Variants in MAB21L1 observed in about 807,000 individuals in gnomAD.
The protein encoded by MAB21L1 is putative nucleotidyltransferase MAB21L1.
In MAB21L1, 8 loss-of-function variants were observed where a neutral mutation model predicts 28.9. That is an observed-to-expected ratio of 0.28 (90% CI 0.16 to 0.50). The LOEUF is 0.50. MAB21L1 is among the 20% of genes least tolerant of loss of function. The pLI is 0.98. For synonymous variants in MAB21L1, 219 were observed against 198.2 expected (o/e 1.10, Z -0.88); for missense variants, 388 against 466.5 (o/e 0.83, Z 1.55).
Position 35,474,976 on chromosome 13 carries a change from G to A in MAB21L1, c.*83C>T, listed in dbSNP as rs563481995. 1 of 1,401,722 alleles carries A rather than the reference G, an allele frequency of 7.1e-7. No homozygotes were observed. Among genetic ancestry groups the A allele is most frequent in the African/African-American group, 1.4e-5 (1 of 69,628 alleles). 86.8% of individuals were successfully genotyped at this position (1,401,722 alleles called of 1,614,324 possible). A position where few individuals can be genotyped will look rare whatever the true frequency, so the allele number is the denominator to read the frequency against. Reference sequence around the variant, plus strand: ...AAGAGATTGTTTGCACTGCGGAGTGGAATATTAGGAATTGAACAGAAGTTT... The same window carrying A: ...AAGAGATTGTTTGCACTGCGGAGTGAAATATTAGGAATTGAACAGAAGTTT... On this transcript the variant is annotated 3_prime_UTR_variant, in exon 1 of 1. Coordinates refer to ENST00000379919, the MANE Select transcript of MAB21L1 (RefSeq NM_005584.5).
In MAB21L1 at chr13:35,475,857, C is replaced by G; in HGVS notation, c.282G>C (p.Leu94=). 1 of 1,614,096 alleles carries G rather than the reference C, an allele frequency of 6.2e-7. No individual in the cohort carries two copies. Residue 94 remains leucine, a synonymous_variant, in exon 1 of 1, where the codon CTG becomes CTC. Transcript: ENST00000379919. ...GVFNFVDDGS[L]PGCAVLKLSD... is the part of the protein sequence containing the mutation. ...TCAACTTCAGCACCGCGCAGCCGGG[C>G]AGTGAGCCATCGTCCACGAAGTTGA... is the stretch of plus-strand genomic sequence containing the variant.
rs1300106506 is a variant in MAB21L1 at position 35,474,797 on chromosome 13, G to C, written c.*262C>G. On this transcript the variant is annotated 3_prime_UTR_variant, in exon 1 of 1. Coordinates refer to ENST00000379919, the MANE Select transcript of MAB21L1 (RefSeq NM_005584.5). ...TGGGCTGTTTACGGAGTGTTACGGT[G>C]TACTTTTCAAGGGAGATAGGAAATC... 1 of 437,298 alleles carries C rather than the reference G, an allele frequency of 2.3e-6. No homozygotes were observed. The highest frequency in any genetic ancestry group is 4.0e-5 in the Admixed American group (1 of 24,722). 27.1% of individuals were successfully genotyped at this position (437,298 alleles called of 1,614,324 possible).
Position 35,474,755 on chromosome 13 carries a change from C to A in MAB21L1, c.*304G>T. 1 of 290,602 alleles carries A rather than the reference C, an allele frequency of 3.4e-6. No homozygotes were observed. The highest frequency in any genetic ancestry group is 6.4e-6 in the Non-Finnish European group (1 of 155,982). 18.0% of individuals were successfully genotyped at this position (290,602 alleles called of 1,614,324 possible). A position where few individuals can be genotyped will look rare whatever the true frequency, so the allele number is the denominator to read the frequency against. On this transcript the variant is annotated 3_prime_UTR_variant, in exon 1 of 1. Transcript: ENST00000379919. ...TGATAGTTAGGCAGAGTGTTCGTCT[C>A]GGTCTGGCGTTACAGCTGGGCTGTT... is the stretch of plus-strand genomic sequence containing the variant.
In MAB21L1 at chr13:35,474,791, T is replaced by C; in HGVS notation, c.*268A>G. 1 of 416,816 alleles carries C rather than the reference T, an allele frequency of 2.4e-6. No homozygotes were observed. Among genetic ancestry groups the C allele is most frequent in the South Asian group, 3.5e-5 (1 of 28,890 alleles). The allele number at this position is 416,816 out of a possible 1,614,324, so 25.8% of individuals were successfully genotyped here. A position where few individuals can be genotyped will look rare whatever the true frequency, so the allele number is the denominator to read the frequency against. On this transcript the variant is annotated 3_prime_UTR_variant, in exon 1 of 1. Transcript: ENST00000379919. ...TACAGCTGGGCTGTTTACGGAGTGT[T>C]ACGGTGTACTTTTCAAGGGAGATAG...
In MAB21L1 at chr13:35,476,039, C is replaced by A; in HGVS notation, c.100G>T (p.Val34Phe). The A allele has an allele frequency of 9.9e-6, 16 of 1,614,202 alleles. No individual in the cohort carries two copies. The highest frequency in any genetic ancestry group is 2.2e-5 in the East Asian group (1 of 44,876). ...KAAIAKTIREVCKVVSDVLKE... is the reference protein window; with the variant it reads ...KAAIAKTIREFCKVVSDVLKE... ...AGTACGTCGGAAACTACTTTGCAGA[C>A]TTCCCGGATAGTTTTGGCAATGGCA... Residue 34 changes from valine to phenylalanine, a missense_variant, in exon 1 of 1, where the codon GTC (valine) becomes TTC (phenylalanine). By Grantham distance (50) the Val-to-Phe change is conservative (BLOSUM62 -1). This residue lies in a region of MAB21L1 where 89 missense variants were observed against 92.2 expected (regional missense o/e 0.97). Transcript: ENST00000379919.
In MAB21L1 at chr13:35,475,594, C is replaced by T. The variant is rs373870848; in HGVS notation, c.545G>A (p.Arg182Lys). ...GGGAAGTGGCCAGTGGGCAGCACTC[C>T]TCGGCCAGATCCCGGTGCATTTAAA... is the stretch of plus-strand genomic sequence containing the variant. ...PAFKCTGIWP[R>K]SAAHWPLPHI... The change falls in exon 1 of 1, where the codon AGG (arginine) becomes AAG (lysine). Residue 182 changes from arginine to lysine, a missense_variant. Transcript: ENST00000379919. 1.7e-5 allele frequency: 28 copies of T among 1,613,636 alleles called. No homozygotes were observed. The highest frequency in any genetic ancestry group is 2.7e-5 in the African/African-American group (2 of 74,808).
Position 35,474,908 on chromosome 13 carries a change from T to G in MAB21L1, c.*151A>C, listed in dbSNP as rs573671447. The G allele has an allele frequency of 7.2e-6, 7 of 967,274 alleles. No individual in the cohort carries two copies. In the East Asian group the frequency reaches 1.8e-4, roughly 25 times the overall value. 59.9% of individuals were successfully genotyped at this position (967,274 alleles called of 1,614,324 possible). A position where few individuals can be genotyped will look rare whatever the true frequency, so the allele number is the denominator to read the frequency against. ...CTTTTTCTCCCCTTGTGGGGGTGGG[T>G]GAGATGATGTTTAAATATTGTATTA... On this transcript the variant is annotated 3_prime_UTR_variant, in exon 1 of 1. Transcript: ENST00000379919.
Position 35,475,653 on chromosome 13 carries a change from G to T in MAB21L1, c.486C>A (p.Ile162=). The change falls in exon 1 of 1, where the codon ATC becomes ATA. Residue 162 remains isoleucine (I), a synonymous_variant. Transcript: ENST00000379919. ...VADTSEVKLR[I]RDRYVVQITP... Reference sequence around the variant, plus strand: ...TGATCTGCACCACGTACCTATCTCGGATTCTCAGTTTCACTTCGCTGGTGT... The same window carrying T: ...TGATCTGCACCACGTACCTATCTCGTATTCTCAGTTTCACTTCGCTGGTGT... The T allele has an allele frequency of 6.2e-7, 1 of 1,613,826 alleles. No homozygotes were observed. Among genetic ancestry groups the T allele is most frequent in the Non-Finnish European group, 8.5e-7 (1 of 1,179,992 alleles).
Position 35,475,805 on chromosome 13 carries a change from G to A in MAB21L1, c.334C>T (p.Leu112Phe), listed in dbSNP as rs2075837609. Reference protein sequence around the residue: ...LSDGRKRSMSLWVEFITASGY... With the variant: ...LSDGRKRSMSFWVEFITASGY... ...GAGGCGGTAATGAATTCCACCCAGAGGGACATGCTCCTCTTGCGCCCGTCG... is the reference window on the plus strand; with the variant it reads ...GAGGCGGTAATGAATTCCACCCAGAAGGACATGCTCCTCTTGCGCCCGTCG... The change falls in exon 1 of 1, where the codon CTC (leucine) becomes TTC (phenylalanine). Residue 112 changes from leucine (L) to phenylalanine (F), a missense_variant. Coordinates refer to ENST00000379919, the MANE Select transcript of MAB21L1 (RefSeq NM_005584.5). The A allele has an allele frequency of 6.2e-7, 1 of 1,613,886 alleles. No individual in the cohort carries two copies. The highest frequency in any genetic ancestry group is 1.3e-5 in the African/African-American group (1 of 74,892).
At position 35,476,296 on chromosome 13, in the gene MAB21L1, CCTGCTGCTG is replaced by C. The variant is rs56240021; in HGVS notation, c.-167_-159del. On this transcript the variant is annotated 5_prime_UTR_variant, in exon 1 of 1. Coordinates refer to ENST00000379919, the MANE Select transcript of MAB21L1 (RefSeq NM_005584.5). The stretch of plus-strand genomic sequence containing the variant: ...TCGGAAGTGCTGCAGCGTTGGTTTC[CCTGCTGCTG>C]CTGCTGCTGCTGCTGCTGCTGCTGC... The C allele has an allele frequency of 0.018, 17,494 of 957,492 alleles. 341 individuals carry two copies. Among genetic ancestry groups the C allele is most frequent in the South Asian group, 0.042 (3,005 of 71,992 alleles). The allele number at this position is 957,492 out of a possible 1,614,324, so 59.3% of individuals were successfully genotyped here.
At position 35,476,546 on chromosome 13, in the gene MAB21L1, C is replaced by T; in HGVS notation, c.-408G>A. ...AAGCTCTTCCAGTAGTCAAAATAAG[C>T]ACCCCTTTCCGTATTTATTTGCGCT... is the stretch of plus-strand genomic sequence containing the variant. On this transcript the variant is annotated 5_prime_UTR_variant, in exon 1 of 1. Transcript: ENST00000379919. 1 of 595,178 alleles carries T rather than the reference C, an allele frequency of 1.7e-6. No individual in the cohort carries two copies. Among genetic ancestry groups the T allele is most frequent in the Non-Finnish European group, 3.0e-6 (1 of 328,828 alleles). 36.9% of individuals were successfully genotyped at this position (595,178 alleles called of 1,614,324 possible).
rs1209014049 is a variant in MAB21L1, at chr13:35,473,796, C to T, written c.*1263G>A. Among the ~76,000 whole-genome samples the T allele has an allele frequency of 6.6e-6, 1 of 152,094 alleles. No individual in the cohort carries two copies. Among genetic ancestry groups the T allele is most frequent in the Admixed American group, 6.5e-5 (1 of 15,274 alleles). Reference sequence around the variant, plus strand: ...AAGGTTTGACATAAAATATATTGGTCAGAAAGGATCGTTTTATTAGTTTTC... The same window carrying T: ...AAGGTTTGACATAAAATATATTGGTTAGAAAGGATCGTTTTATTAGTTTTC... On this transcript the variant is annotated 3_prime_UTR_variant, in exon 1 of 1. Coordinates refer to ENST00000379919, the MANE Select transcript of MAB21L1 (RefSeq NM_005584.5).
At position 35,475,939 on chromosome 13, in the gene MAB21L1, T is replaced by G. The variant is rs755262229; in HGVS notation, c.200A>C (p.Glu67Ala). 1.4e-5 allele frequency: 23 copies of G among 1,614,046 alleles called. No individual in the cohort carries two copies. The highest frequency in any genetic ancestry group is 1.9e-5 in the Non-Finnish European group (22 of 1,180,052). ...TTCAAATTCGGTGGGGGAGATGACC[T>G]CGAGGCCCTCGTAGCGATTGTCCAT... is the stretch of plus-strand genomic sequence containing the variant. The part of the protein sequence containing the change: ...NEMDNRYEGL[E>A]VISPTEFEVV... Residue 67 changes from glutamate (E) to alanine (A), a missense_variant, in exon 1 of 1, where the codon GAG (glutamate) becomes GCG (alanine). Glu to Ala is a moderately radical substitution (Grantham distance 107). Around this residue, in one of 3 missense-constraint regions of MAB21L1, gnomAD observed 89 missense variants for 92.2 expected, o/e 0.97. Coordinates refer to ENST00000379919, the MANE Select transcript of MAB21L1 (RefSeq NM_005584.5).
In MAB21L1 at chr13:35,476,415, C is replaced by G. The variant is rs1292059007; in HGVS notation, c.-277G>C. The G allele has an allele frequency of 1.0e-6, 1 of 966,284 alleles. No individual in the cohort carries two copies. Among genetic ancestry groups the G allele is most frequent in the Admixed American group, 2.0e-5 (1 of 50,108 alleles). 59.9% of individuals were successfully genotyped at this position (966,284 alleles called of 1,614,324 possible). A position where few individuals can be genotyped will look rare whatever the true frequency, so the allele number is the denominator to read the frequency against. The stretch of plus-strand genomic sequence containing the variant: ...TTAAAGTGAAAGACTGTCCTCCCCC[C>G]TCTGCTTGTCTCTCTTCCTCTTTTA... On this transcript the variant is annotated 5_prime_UTR_variant, in exon 1 of 1. Transcript: ENST00000379919.
chr13:35,476,406 T>G lies in MAB21L1; in HGVS notation c.-268A>C. On this transcript the variant is annotated 5_prime_UTR_variant, in exon 1 of 1. Coordinates refer to ENST00000379919, the MANE Select transcript of MAB21L1 (RefSeq NM_005584.5). ...CAGCCGTTCTTAAAGTGAAAGACTG[T>G]CCTCCCCCCTCTGCTTGTCTCTCTT... 1 of 1,017,016 alleles carries G rather than the reference T, an allele frequency of 9.8e-7. No individual in the cohort carries two copies. The highest frequency in any genetic ancestry group is 1.4e-5 in the South Asian group (1 of 73,230). 63.0% of individuals were successfully genotyped at this position (1,017,016 alleles called of 1,614,324 possible).
At position 35,476,340 on chromosome 13, in the gene MAB21L1, T is replaced by A; in HGVS notation, c.-202A>T. The stretch of plus-strand genomic sequence containing the variant: ...CTGCTGCTGCTGCTGCTGCTGCTGC[T>A]GCTGCTGCTGCTGCTTTTCCCTTCC... On this transcript the variant is annotated 5_prime_UTR_variant, in exon 1 of 1. Transcript: ENST00000379919. The A allele has an allele frequency of 8.1e-7, 1 of 1,233,534 alleles. No homozygotes were observed. The highest frequency in any genetic ancestry group is 1.2e-6 in the Non-Finnish European group (1 of 864,516). The allele number at this position is 1,233,534 out of a possible 1,614,324, so 76.4% of individuals were successfully genotyped here. A position where few individuals can be genotyped will look rare whatever the true frequency, so the allele number is the denominator to read the frequency against.
At position 35,476,463 on chromosome 13, in the gene MAB21L1, C is replaced by T; in HGVS notation, c.-325G>A. 1.2e-6 allele frequency: 1 copy of T among 815,472 alleles called. No individual in the cohort carries two copies. Among genetic ancestry groups the T allele is most frequent in the South Asian group, 1.5e-5 (1 of 64,972 alleles). The allele number at this position is 815,472 out of a possible 1,614,324, so 50.5% of individuals were successfully genotyped here. A position where few individuals can be genotyped will look rare whatever the true frequency, so the allele number is the denominator to read the frequency against. The stretch of plus-strand genomic sequence containing the variant: ...TTAAAGAATCCTTGTGTGAGAGAAC[C>T]GCATGGAGAGATCACCTTCTCAGGA... On this transcript the variant is annotated 5_prime_UTR_variant, in exon 1 of 1. Transcript: ENST00000379919.
In MAB21L1 at chr13:35,475,575, T is replaced by A; in HGVS notation, c.564A>T (p.Pro188=). 1 of 1,613,354 alleles carries A rather than the reference T, an allele frequency of 6.2e-7. No homozygotes were observed. The highest frequency in any genetic ancestry group is 8.5e-7 in the Non-Finnish European group (1 of 1,179,880). Reference sequence around the variant, plus strand: ...GTCCCGGCCAGGGGATGTGGGGAAGTGGCCAGTGGGCAGCACTCCTCGGCC... The same window carrying A: ...GTCCCGGCCAGGGGATGTGGGGAAGAGGCCAGTGGGCAGCACTCCTCGGCC... The part of the protein sequence containing the change: ...GIWPRSAAHW[P]LPHIPWPGPN... The change falls in exon 1 of 1, where the codon CCA becomes CCT. Residue 188 remains proline (P), a synonymous_variant. Coordinates refer to ENST00000379919, the MANE Select transcript of MAB21L1 (RefSeq NM_005584.5).
At position 35,476,200 on chromosome 13, in the gene MAB21L1, G is replaced by A; in HGVS notation, c.-62C>T. The A allele has an allele frequency of 3.7e-6, 6 of 1,609,726 alleles. No individual in the cohort carries two copies. Among genetic ancestry groups the A allele is most frequent in the Non-Finnish European group, 5.1e-6 (6 of 1,176,746 alleles). ...GCAGTAAGCTGTGGGATCCAATGCG[G>A]CTGCTAGAGCTGGAGCCAACTTCGG... On this transcript the variant is annotated 5_prime_UTR_variant, in exon 1 of 1. Transcript: ENST00000379919.
Sources: gnomAD v4.1 joint callset for allele counts (sites outside exome capture counted in the v4.1 genomes callset) on GRCh38, gnomAD v4.1.1 for gene constraint, gnomAD v4.1.1 regional missense constraint, MANE v1.5 for transcripts, NCBI Gene and HGNC (gene_info 2026-07-23, HGNC 2026-07-21) for gene names.